Variants in WBP11 observed in about 807,000 individuals in gnomAD.
WBP11 encodes WW domain-binding protein 11.
A neutral mutation model predicts 66.7 loss-of-function variants in WBP11; 12 were observed. The ratio of observed to expected loss-of-function variants is 0.18; its 90% confidence interval spans 0.12 to 0.29. The LOEUF is 0.29. Ranked by LOEUF, WBP11 falls within the 10% of genes least tolerant of loss-of-function variation. The pLI, the probability that WBP11 is intolerant of heterozygous loss-of-function variation, is 1.00. For missense variants in WBP11, 555 were observed against 818.3 expected, an observed-to-expected ratio of 0.68 and a Z score of 3.93; for synonymous variants, 255 against 273.8, an observed-to-expected ratio of 0.93 and a Z score of 0.68.
Position 14,787,436 on chromosome 12 carries a change from G to A in WBP11, c.1555C>T (p.Pro519Ser). 3 of 1,547,100 alleles carry A rather than the reference G, an allele frequency of 1.9e-6. No homozygotes were observed. Among genetic ancestry groups the A allele is most frequent in the Non-Finnish European group, 2.6e-6 (3 of 1,144,554 alleles). ...GGAGCTGGTGGGAACAGCCCAGGGG[G>A]GGCAGGTCCAAGGGGAGGCACCAAA... The part of the protein sequence containing the change: ...PPLVPPLGPA[P>S]PGLFPPAPLP... Residue 519 changes from proline (P) to serine (S), a missense_variant, in exon 12 of 12, where the codon CCC (proline) becomes TCC (serine). Coordinates refer to ENST00000261167, the MANE Select transcript of WBP11 (RefSeq NM_016312.3).
In WBP11 at chr12:14,790,458, G is replaced by A; in HGVS notation, c.1307C>T (p.Pro436Leu). 1 of 1,613,594 alleles carries A rather than the reference G, an allele frequency of 6.2e-7. No individual in the cohort carries two copies. Among genetic ancestry groups the A allele is most frequent in the Non-Finnish European group, 8.5e-7 (1 of 1,179,648 alleles). ...ATTCACATTATGTAAGTGTTTACCT[G>A]GAGGTGGACCAGGAGGAAGGCCTGT... ...PPTGLPPGPP[P>L]GAPPFLRPPG... is the part of the protein sequence containing the mutation. Residue 436 changes from proline (P) to leucine (L), a missense_variant and splice_region_variant, in exon 10 of 12, where the codon CCA (proline) becomes CTA (leucine). By Grantham distance (98) the Pro-to-Leu change is moderately conservative. Coordinates refer to ENST00000261167, the MANE Select transcript of WBP11 (RefSeq NM_016312.3).
chr12:14,803,028 T>C (rs949299127), intron 1 of WBP11, among the ~76,000 whole-genome samples: 2 of 152,058 alleles, frequency 1.3e-5, no homozygotes, highest in African/African-American at 4.8e-5. Flanking sequence ...AGGGTCCAGG[T>C]TCACCAAAGG....
Position 14,787,048 on chromosome 12 carries a change from T to C in WBP11, c.*17A>G, listed in dbSNP as rs1461357896. The C allele has an allele frequency of 5.0e-6, 8 of 1,603,604 alleles. No individual in the cohort carries two copies. Among genetic ancestry groups the C allele is most frequent in the Admixed American group, 1.7e-5 (1 of 59,450 alleles). Reference sequence around the variant, plus strand: ...GCCACTGTTGTGAACAGAAGCCTTTTCTGGCATCAAAAGCTGTCACAGTAG... The same window carrying C: ...GCCACTGTTGTGAACAGAAGCCTTTCCTGGCATCAAAAGCTGTCACAGTAG... On this transcript the variant is annotated 3_prime_UTR_variant, in exon 12 of 12. Coordinates refer to ENST00000261167, the MANE Select transcript of WBP11 (RefSeq NM_016312.3).
At chr12:14,791,056 A>T in intron 9 of WBP11, 113 bp downstream of exon 9, 1 of 1,064,574 alleles carries the variant, frequency 9.4e-7, no homozygotes, top group Non-Finnish European at 1.4e-6. Context: ...TTTGTAAAAC[A>T]AGGACTTATT....
At chr12:14,797,083 T>TAAA (rs1949902124) in intron 4 of WBP11, 80 bp from the exon 5 acceptor site, 4 of 1,227,360 alleles carry the variant, frequency 3.3e-6, no homozygotes, top group Admixed American at 2.9e-5. Flanking sequence ...GATAAAAACC[T>TAAA]CCATATATGC....
At chr12:14,792,576 T>C (rs1949832862) in intron 8 of WBP11, among the ~76,000 whole-genome samples, 1 of 152,090 alleles carries the variant, frequency 6.6e-6, no homozygotes, top group Admixed American at 6.5e-5. Context: ...CTCATGCCTG[T>C]ATTCCCAGCA....
intron 4 of WBP11, among the ~76,000 whole-genome samples, chr12:14,797,980 A>C (rs1292716419): frequency 6.6e-6 from 1 of 152,130 alleles, no homozygotes; most frequent in Non-Finnish European, 1.5e-5. Flanking sequence ...TTTTATGTTA[A>C]GACTTCTTAA....
chr12:14,789,144 A>G lies in WBP11; in HGVS notation c.1310-11T>C. 1 of 1,527,734 alleles carries G rather than the reference A, an allele frequency of 6.5e-7. No individual in the cohort carries two copies. Among genetic ancestry groups the G allele is most frequent in the Admixed American group, 2.4e-5 (1 of 41,474 alleles). The allele number at this position is 1,527,734 out of a possible 1,614,324, so 94.6% of individuals were successfully genotyped here. ...GGAATGGAGGAGCTCCTGAAAAGAG[A>G]AAAATGATAAATTAATGTCACACAA... is the stretch of plus-strand genomic sequence containing the variant. On this transcript the variant is annotated splice_polypyrimidine_tract_variant and intron_variant, in intron 10 of 11. Coordinates refer to ENST00000261167, the MANE Select transcript of WBP11 (RefSeq NM_016312.3).
intron 8 of WBP11, 55 bp downstream of exon 8, chr12:14,793,676 T>C: frequency 6.4e-7 from 1 of 1,561,668 alleles, no homozygotes; most frequent in Non-Finnish European, 8.7e-7. Context: ...AATTAGGACC[T>C]TCAGCTTGTT....
chr12:14,800,827 G>C (rs1363706218), intron 2 of WBP11, 44 bp from the exon 3 acceptor site: 2 of 1,511,866 alleles, frequency 1.3e-6, no homozygotes, highest in Non-Finnish European at 1.8e-6. Context: ...TTTGAATCTT[G>C]AACATTAGCA....
Position 14,789,010 on chromosome 12 carries a change from AGACCTGGAGGTG to A in WBP11, c.1421_1432del (p.Pro474_Gly477del), listed in dbSNP as rs1949789196. On this transcript the variant is annotated inframe_deletion, in exon 11 of 12. Transcript: ENST00000261167. Reference sequence around the variant, plus strand: ...TCCACGAGGAGGGGGACCAGGAGGCAGACCTGGAGGTGGACCTGGGGGAGGGCCAGGGGGTCG... The same window carrying A: ...TCCACGAGGAGGGGGACCAGGAGGCAGACCTGGGGGAGGGCCAGGGGGTCG... 5 of 1,488,842 alleles carry A rather than the reference AGACCTGGAGGTG, an allele frequency of 3.4e-6. No homozygotes were observed. Among genetic ancestry groups the A allele is most frequent in the African/African-American group, 1.5e-5 (1 of 67,088 alleles). The allele number at this position is 1,488,842 out of a possible 1,614,324, so 92.2% of individuals were successfully genotyped here.
intron 11 of WBP11, among the ~76,000 whole-genome samples, chr12:14,788,353 T>C (rs1236513776): frequency 6.6e-6 from 1 of 152,190 alleles, no homozygotes; most frequent in Non-Finnish European, 1.5e-5. Flanking sequence ...AATATTCATA[T>C]ACCAAGAACT....
rs1949742191 is a variant in WBP11 at position 14,785,414 on chromosome 12, G to C, written c.*1651C>G. ...ATTGATACCATATGGTTTGATCCTT[G>C]ATATCCGTAAGTTATCAAGGATGGT... On this transcript the variant is annotated 3_prime_UTR_variant, in exon 12 of 12. Coordinates refer to ENST00000261167, the MANE Select transcript of WBP11 (RefSeq NM_016312.3). 6.6e-6 allele frequency: 1 copy of C among 152,110 alleles called. No individual in the cohort carries two copies. The highest frequency in any genetic ancestry group is 1.5e-5 in the Non-Finnish European group (1 of 68,020). The allele number at this position is 152,110 out of a possible 1,614,324, so 9.4% of individuals were successfully genotyped here.
rs934693739 is a variant in WBP11, at chr12:14,785,511, A to G, written c.*1554T>C. ...TCAATTCACCTGTGGACCCGTATTA[A>G]TATTACACTAAAAAACCAACCCAAA... On this transcript the variant is annotated 3_prime_UTR_variant, in exon 12 of 12. Transcript: ENST00000261167. The G allele has an allele frequency of 6.6e-6, 1 of 152,186 alleles. No homozygotes were observed. The highest frequency in any genetic ancestry group is 2.4e-5 in the African/African-American group (1 of 41,432). The allele number at this position is 152,186 out of a possible 1,614,324, so 9.4% of individuals were successfully genotyped here. A position where few individuals can be genotyped will look rare whatever the true frequency, so the allele number is the denominator to read the frequency against.
intron 3 of WBP11, 113 bp downstream of exon 3, chr12:14,800,639 A>G (rs1238224293): frequency 3.5e-5 from 37 of 1,048,276 alleles, no homozygotes; most frequent in Non-Finnish European, 2.4e-5. Context: ...TAAAAAGCAT[A>G]AAGTACCTTT....
At chr12:14,788,191 A>T (rs1377314963) in intron 11 of WBP11, among the ~76,000 whole-genome samples, 1 of 152,172 alleles carries the variant, frequency 6.6e-6, no homozygotes, top group Non-Finnish European at 1.5e-5. Context: ...GTGAGCTCAG[A>T]TCGCGCCATT....
chr12:14,789,732 G>A (rs546481044), intron 10 of WBP11, among the ~76,000 whole-genome samples: 1 of 152,312 alleles, frequency 6.6e-6, no homozygotes, highest in South Asian at 2.1e-4. Flanking sequence ...ATTCTTAAAT[G>A]GTTCCAGTAT....
chr12:14,790,371 A>AT (rs1247473125), intron 10 of WBP11, 85 bp downstream of exon 10: 124 of 1,485,106 alleles, frequency 8.3e-5, no homozygotes, highest in Non-Finnish European at 1.0e-4. Context: ...ACAAGAAAAC[A>AT]TGAACACTAA....
intron 3 of WBP11, among the ~76,000 whole-genome samples, chr12:14,800,377 G>T (rs912501492): frequency 1.3e-5 from 2 of 151,800 alleles, no homozygotes; most frequent in Non-Finnish European, 2.9e-5. Flanking sequence ...TTAAGCTAAT[G>T]TAATATATGT....
Sources: allele counts gnomAD v4.1 joint callset (sites outside exome capture counted in the v4.1 genomes callset), GRCh38; gene constraint gnomAD v4.1.1; transcripts MANE v1.5; gene names NCBI Gene and HGNC (gene_info 2026-07-23, HGNC 2026-07-21).